Variants in LTBP2 observed in about 807,000 individuals in gnomAD.
The protein encoded by LTBP2 is latent transforming growth factor beta binding protein 2.
In LTBP2, 103 loss-of-function variants were observed where a neutral mutation model predicts 210.6. The observed-to-expected ratio is 0.49, with a 90% confidence interval of 0.42 to 0.58. The LOEUF is 0.58. Ranked by LOEUF, LTBP2 falls within the 20% of genes least tolerant of loss-of-function variation. The pLI, the probability that LTBP2 is intolerant of heterozygous loss-of-function variation, is 0.00. For missense variants in LTBP2, 2,313 were observed against 2,494.5 expected (o/e 0.93, Z 1.55); for synonymous variants, 1,007 against 1,015.0 (o/e 0.99, Z 0.15).
rs1566612315 is a variant in LTBP2, at chr14:74,503,587, G to A, written c.4602C>T (p.Asp1534=). Reference sequence around the variant, plus strand: ...CGCACTCGCCATTCTCACAGGCCAGGTCCTGGCACTCATCGTGATCTGGGG... The same window carrying A: ...CGCACTCGCCATTCTCACAGGCCAGATCCTGGCACTCATCGTGATCTGGGG... The part of the protein sequence containing the change: ...KKCEDHDECQ[D]LACENGECVN... Residue 1534 remains aspartate, a synonymous_variant, in exon 32 of 36, where the codon GAC becomes GAT. Coordinates refer to ENST00000261978, the MANE Select transcript of LTBP2 (RefSeq NM_000428.3). The A allele has an allele frequency of 6.2e-7, 1 of 1,613,856 alleles. No individual in the cohort carries two copies.
chr14:74,603,813 G>T (rs2088483126), intron 1 of LTBP2, 108 bp from the exon 2 acceptor site: 1 of 895,476 alleles, frequency 1.1e-6, no homozygotes, highest in South Asian at 1.4e-5. Flanking sequence ...GAGGAACATG[G>T]AGAGGCTGGG....
chr14:74,546,529 C>A (rs551060784), intron 8 of LTBP2, among the ~76,000 whole-genome samples: 2 of 152,322 alleles, frequency 1.3e-5, no homozygotes, highest in East Asian at 3.9e-4. Context: ...TTTGTTATTT[C>A]TTGCTCAGTG....
intron 3 of LTBP2, among the ~76,000 whole-genome samples, chr14:74,568,406 G>T (rs2087931790): frequency 6.6e-6 from 1 of 152,130 alleles, no homozygotes; most frequent in Admixed American, 6.5e-5. Flanking sequence ...ACTGGGGAAT[G>T]CTTTCCAGAG....
At chr14:74,542,430 GTGTC>G (rs2087520235) in intron 8 of LTBP2, among the ~76,000 whole-genome samples, 1 of 152,242 alleles carries the variant, frequency 6.6e-6, no homozygotes, top group Non-Finnish European at 1.5e-5. Flanking sequence ...AAAGTGAAGA[GTGTC>G]TGGCCACAGG....
rs2086890612 is a variant in LTBP2, at chr14:74,499,791, G to A, written c.*1093C>T. ...CATTTCTTTATTCCACCATGGTTCT[G>A]AACTCCCAGCTAGTTTGGGTTGGAG... is the stretch of plus-strand genomic sequence containing the variant. On this transcript the variant is annotated 3_prime_UTR_variant, in exon 36 of 36. Transcript: ENST00000261978. The A allele has an allele frequency of 4.4e-6, 1 of 229,064 alleles. No individual in the cohort carries two copies. The allele number at this position is 229,064 out of a possible 1,614,324, so 14.2% of individuals were successfully genotyped here.
rs188198109 is a variant in LTBP2 at position 74,588,245 on chromosome 14, G to A, written c.566-2127C>T. Among the ~76,000 whole-genome samples, 14 of 152,180 alleles carry A rather than the reference G, an allele frequency of 9.2e-5. 1 individual carries two copies. In the East Asian group the frequency reaches 2.5e-3, roughly 27 times the overall value. On this transcript the variant is annotated intron_variant, in intron 2 of 35. Transcript: ENST00000261978. ...GTTTTTTGGGTTTTTGTTTTGAGAC[G>A]GAGTTTCACTCTTGTTGCCCAGGCT...
rs766331682 is a variant in LTBP2 at position 74,611,876 on chromosome 14, C to G, written c.69G>C (p.Pro23=). 1.9e-5 allele frequency: 30 copies of G among 1,608,344 alleles called. No individual in the cohort carries two copies. Among genetic ancestry groups the G allele is most frequent in the Non-Finnish European group, 2.5e-5 (29 of 1,179,038 alleles). ...ALRNPWRGFL[P]LTLALFVGAG... is the part of the protein sequence containing the mutation. The stretch of plus-strand genomic sequence containing the variant: ...CGCCCACGAAGAGAGCCAGGGTGAG[C>G]GGCAGGAAGCCTCTCCAGGGGTTCC... The change falls in exon 1 of 36, where the codon CCG becomes CCC. Residue 23 remains proline, a synonymous_variant. Coordinates refer to ENST00000261978, the MANE Select transcript of LTBP2 (RefSeq NM_000428.3).
Position 74,552,920 on chromosome 14 carries a change from C to T in LTBP2, c.1164G>A (p.Gly388=). ...TGCGGAAGCCAGACTTGGGATCGTG[C>T]CCATGGCCGCCCTGGCTGTACAGGG... The part of the protein sequence containing the change: ...TTTLYSQGGH[G]HDPKSGFRIY... Residue 388 remains glycine (G), a synonymous_variant, in exon 5 of 36, where the codon GGG becomes GGA. Coordinates refer to ENST00000261978, the MANE Select transcript of LTBP2 (RefSeq NM_000428.3). 2 of 1,613,526 alleles carry T rather than the reference C, an allele frequency of 1.2e-6. No individual in the cohort carries two copies. Among genetic ancestry groups the T allele is most frequent in the Non-Finnish European group, 1.7e-6 (2 of 1,179,768 alleles).
At position 74,528,477 on chromosome 14, in the gene LTBP2, A is replaced by G. The variant is rs1044973142; in HGVS notation, c.2368+6T>C. On this transcript the variant is annotated splice_donor_region_variant and intron_variant, in intron 12 of 35. Coordinates refer to ENST00000261978, the MANE Select transcript of LTBP2 (RefSeq NM_000428.3). ...ATCCCTCAGGCATCTCCCCCAGCTCAGATACCCTTGTCAGGGATGGTCCCG... is the reference window on the plus strand; with the variant it reads ...ATCCCTCAGGCATCTCCCCCAGCTCGGATACCCTTGTCAGGGATGGTCCCG... 6.2e-7 allele frequency: 1 copy of G among 1,611,676 alleles called. No individual in the cohort carries two copies. Among genetic ancestry groups the G allele is most frequent in the African/African-American group, 1.3e-5 (1 of 74,896 alleles).
rs548621194 is a variant in LTBP2 at position 74,608,759 on chromosome 14, A to C, written c.494+2692T>G. ...AAAGAAAGAAAGAATAAAGAAAAGA[A>C]AAGAAATGAAAAAGAAACCCTGTAG... is the stretch of plus-strand genomic sequence containing the variant. On this transcript the variant is annotated intron_variant, in intron 1 of 35. Transcript: ENST00000261978. 1.9e-4 allele frequency among the ~76,000 whole-genome samples: 24 copies of C among 126,452 alleles called. No individual in the cohort carries two copies. The South Asian group carries it at 5.1e-3, about 27-fold the overall frequency. 83.0% of individuals were successfully genotyped at this position (126,452 alleles called of 152,430 possible).
chr14:74,580,521 T>C (rs2088121888), intron 3 of LTBP2, among the ~76,000 whole-genome samples: 2 of 152,126 alleles, frequency 1.3e-5, no homozygotes, highest in Admixed American at 6.5e-5. Context: ...CCAACAGATA[T>C]GCTAGCAGAG....
intron 2 of LTBP2, among the ~76,000 whole-genome samples, chr14:74,592,601 GGT>G (rs1336527793): frequency 6.6e-6 from 1 of 152,076 alleles, no homozygotes; most frequent in Admixed American, 6.6e-5. Context: ...GTGAGGCTGA[GGT>G]GGGAGGGATC....
Position 74,500,563 on chromosome 14 carries a change from TGCTCGCACA to T in LTBP2, c.*312_*320del. 2.1e-6 allele frequency: 1 copy of T among 486,098 alleles called. No homozygotes were observed. The highest frequency in any genetic ancestry group is 3.8e-6 in the Non-Finnish European group (1 of 262,462). 30.1% of individuals were successfully genotyped at this position (486,098 alleles called of 1,614,324 possible). ...CAGTGTGAGGCCATGGGGCCTTGCA[TGCTCGCACA>T]GCTTGGGAGGGTGGATGAGGGCCAT... On this transcript the variant is annotated 3_prime_UTR_variant, in exon 36 of 36. Coordinates refer to ENST00000261978, the MANE Select transcript of LTBP2 (RefSeq NM_000428.3).
At chr14:74,561,554 T>C (rs533937043) in intron 3 of LTBP2, among the ~76,000 whole-genome samples, 1 of 152,200 alleles carries the variant, frequency 6.6e-6, no homozygotes, top group Non-Finnish European at 1.5e-5. Context: ...TAGTGGCCAC[T>C]CTTTAAGAAT....
At position 74,509,989 on chromosome 14, in the gene LTBP2, A is replaced by G. The variant is rs896626272; in HGVS notation, c.3151+102T>C. On this transcript the variant is annotated intron_variant, in intron 20 of 35. Transcript: ENST00000261978. Reference sequence around the variant, plus strand: ...GTTGGGTCAGTGTGAATAGGGATGCAAGGCCAGGGGTGGATTCAGGGGGCC... The same window carrying G: ...GTTGGGTCAGTGTGAATAGGGATGCGAGGCCAGGGGTGGATTCAGGGGGCC... 87 of 1,610,450 alleles carry G rather than the reference A, an allele frequency of 5.4e-5. No homozygotes were observed. The East Asian group carries it at 1.3e-3, about 24-fold the overall frequency.
chr14:74,562,374 T>C (rs1406342915), intron 3 of LTBP2, among the ~76,000 whole-genome samples: 1 of 152,190 alleles, frequency 6.6e-6, no homozygotes, highest in Non-Finnish European at 1.5e-5. Context: ...GCCTATCAGG[T>C]GGCAGGTATC....
intron 10 of LTBP2, among the ~76,000 whole-genome samples, chr14:74,532,191 C>G (rs2087358532): frequency 6.6e-6 from 1 of 152,176 alleles, no homozygotes; most frequent in South Asian, 2.1e-4. Context: ...ACTGCAAAGG[C>G]CCGGAAAAAA....
chr14:74,600,627 G>C (rs1242078509), intron 2 of LTBP2, among the ~76,000 whole-genome samples: 1 of 151,944 alleles, frequency 6.6e-6, no homozygotes, highest in African/African-American at 2.4e-5. Flanking sequence ...CAGACCCCTG[G>C]GGCAGCTGGG....
rs1475401029 is a variant in LTBP2, at chr14:74,540,856, AT to A, written c.1790-4857del. On this transcript the variant is annotated intron_variant, in intron 8 of 35. Coordinates refer to ENST00000261978, the MANE Select transcript of LTBP2 (RefSeq NM_000428.3). ...ATATATATTTATATATATTATATAT[AT>A]TATATATATTTATATATATAATATA... 4.6e-3 allele frequency among the ~76,000 whole-genome samples: 406 copies of A among 87,648 alleles called. 16 individuals are homozygous for A. The highest frequency in any genetic ancestry group is 8.6e-3 in the Non-Finnish European group (366 of 42,498). The allele number at this position is 87,648 out of a possible 152,430, so 57.5% of individuals were successfully genotyped here. A position where few individuals can be genotyped will look rare whatever the true frequency, so the allele number is the denominator to read the frequency against.
Sources: allele counts gnomAD v4.1 joint callset (sites outside exome capture counted in the v4.1 genomes callset), GRCh38; gene constraint gnomAD v4.1.1; transcripts MANE v1.5; gene names NCBI Gene and HGNC (gene_info 2026-07-23, HGNC 2026-07-21).